CAMK2D: variants seen among roughly 807,000 people sequenced by gnomAD.
The protein encoded by CAMK2D is calcium/calmodulin dependent protein kinase II delta.
A neutral mutation model predicts 84.0 loss-of-function variants in CAMK2D; 37 were observed. The ratio of observed to expected loss-of-function variants is 0.44; its 90% confidence interval spans 0.34 to 0.58. The LOEUF (loss-of-function observed/expected upper bound fraction) is 0.58, where lower values mean the gene tolerates loss of function less well. Ranked by LOEUF, CAMK2D falls within the 20% of genes least tolerant of loss-of-function variation. CAMK2D has a pLI of 0.02. For synonymous variants in CAMK2D, 202 were observed against 212.5 expected (o/e 0.95, Z 0.43); for missense variants, 448 against 652.5 (o/e 0.69, Z 3.41).
intron 8 of CAMK2D, among the ~76,000 whole-genome samples, chr4:113,528,258 T>C (rs950383813): frequency 2.0e-5 from 3 of 152,302 alleles, no homozygotes; most frequent in Non-Finnish European, 2.9e-5. Context: ...AACTATCACT[T>C]ACTGTATTTA....
chr4:113,653,741 T>C (rs142974625), intron 3 of CAMK2D, among the ~76,000 whole-genome samples: 79 of 152,190 alleles, frequency 5.2e-4, no homozygotes, highest in African/African-American at 1.9e-3. Flanking sequence ...AATAAACACA[T>C]AAGGCAATTT....
intron 7 of CAMK2D, among the ~76,000 whole-genome samples, chr4:113,536,474 T>G (rs1050189703): frequency 9.9e-5 from 15 of 152,210 alleles, no homozygotes; most frequent in Admixed American, 9.2e-4. Context: ...ATGTTTTTAG[T>G]CCTCTATTTG....
At chr4:113,626,272 CG>C (rs1489232851) in intron 3 of CAMK2D, among the ~76,000 whole-genome samples, 2 of 152,058 alleles carry the variant, frequency 1.3e-5, no homozygotes, top group African/African-American at 4.8e-5. Context: ...TATCATCTAA[CG>C]GAGAAATCAA....
At chr4:113,617,830 T>C (rs2099027732) in intron 3 of CAMK2D, among the ~76,000 whole-genome samples, 1 of 149,698 alleles carries the variant, frequency 6.7e-6, no homozygotes, top group South Asian at 2.1e-4. Context: ...AGATAAAAAA[T>C]AACAAGAATA....
At chr4:113,738,911 T>C (rs1301388452) in intron 2 of CAMK2D, among the ~76,000 whole-genome samples, 1 of 152,104 alleles carries the variant, frequency 6.6e-6, no homozygotes, top group Admixed American at 6.6e-5. Flanking sequence ...ATTTTAAATA[T>C]ATACAAAAAT....
At chr4:113,716,962 T>C (rs1451783824) in intron 2 of CAMK2D, among the ~76,000 whole-genome samples, 2 of 152,212 alleles carry the variant, frequency 1.3e-5, no homozygotes, top group African/African-American at 4.8e-5. Context: ...AAGCTCTTTG[T>C]GTTCCAATTA....
intron 2 of CAMK2D, among the ~76,000 whole-genome samples, chr4:113,735,017 C>T (rs1393223908): frequency 6.6e-6 from 1 of 151,152 alleles, no homozygotes; most frequent in African/African-American, 2.4e-5. Flanking sequence ...GAAAACTACC[C>T]AAGACATTTT....
chr4:113,515,120 G>GTTGA lies in CAMK2D; in HGVS notation c.764_767dup (p.Pro257GlnfsTer40). 1 of 1,613,146 alleles carries GTTGA rather than the reference G, an allele frequency of 6.2e-7. No homozygotes were observed. The highest frequency in any genetic ancestry group is 8.5e-7 in the Non-Finnish European group (1 of 1,179,242). ...CTGAGGCTGTGATGCGTTTGGCAGG[G>GTTGA]TTGATAGTAAGCATTTTATTGATGA... On this transcript the variant is annotated frameshift_variant, in exon 10 of 21. Coordinates refer to ENST00000511664, the MANE Select transcript of CAMK2D (RefSeq NM_001321571.2). LOFTEE classifies it high-confidence loss of function.
At chr4:113,539,546 G>A (rs2098516036) in intron 6 of CAMK2D, among the ~76,000 whole-genome samples, 2 of 152,204 alleles carry the variant, frequency 1.3e-5, no homozygotes, top group Non-Finnish European at 2.9e-5. Context: ...CCAAGTATCT[G>A]CCGATTCAGA....
Position 113,515,028 on chromosome 4 carries a change from TTTCATTTTAG to T in CAMK2D, c.819+31_819+40del, listed in dbSNP as rs1415204191. On this transcript the variant is annotated intron_variant, in intron 10 of 20. Coordinates refer to ENST00000511664, the MANE Select transcript of CAMK2D (RefSeq NM_001321571.2). Reference sequence around the variant, plus strand: ...ACAATATATTAAAGGAGAGCTTATTTTTCATTTTAGTTCTTGAAGTTTTGGAGAAGTTTTA... The same window carrying T: ...ACAATATATTAAAGGAGAGCTTATTTTTCTTGAAGTTTTGGAGAAGTTTTA... 4 of 1,577,374 alleles carry T rather than the reference TTTCATTTTAG, an allele frequency of 2.5e-6. No individual in the cohort carries two copies. The South Asian group carries it at 4.4e-5, about 17-fold the overall frequency.
chr4:113,738,376 T>A (rs1231835773), intron 2 of CAMK2D, among the ~76,000 whole-genome samples: 1 of 152,118 alleles, frequency 6.6e-6, no homozygotes, highest in Non-Finnish European at 1.5e-5. Context: ...CCACAAATAA[T>A]GGTTTCATGC....
chr4:113,564,157 A>G (rs997214990), intron 4 of CAMK2D, among the ~76,000 whole-genome samples: 7 of 152,226 alleles, frequency 4.6e-5, no homozygotes, highest in Admixed American at 2.6e-4. Context: ...CTTAAAGCTC[A>G]GTTTCAAGGT....
rs1554093408 is a variant in CAMK2D, at chr4:113,747,319, T to TTAAAA, written c.160+12000_160+12001insTTTTA. 1.0e-3 allele frequency among the ~76,000 whole-genome samples: 154 copies of TTAAAA among 147,342 alleles called. 1 individual carries two copies. Among genetic ancestry groups the TTAAAA allele is most frequent in the African/African-American group, 3.8e-3 (153 of 40,742 alleles). ...AGAATTTTGAACTTTTTTTTTTTTT[T>TTAAAA]AAATTCAATAGGAAAAGCGTATGCA... On this transcript the variant is annotated intron_variant, in intron 2 of 20. Coordinates refer to ENST00000511664, the MANE Select transcript of CAMK2D (RefSeq NM_001321571.2).
intron 2 of CAMK2D, among the ~76,000 whole-genome samples, chr4:113,739,224 A>G (rs2099587623): frequency 6.6e-6 from 1 of 152,204 alleles, no homozygotes; most frequent in African/African-American, 2.4e-5. Flanking sequence ...TCTTCAATTT[A>G]AAAGATTAAA....
At chr4:113,603,587 T>C (rs1485636171) in intron 4 of CAMK2D, among the ~76,000 whole-genome samples, 2 of 151,170 alleles carry the variant, frequency 1.3e-5, no homozygotes, top group Non-Finnish European at 3.0e-5. Context: ...ATAAAAGCCT[T>C]TCCCATTCAT....
chr4:113,558,358 G>A (rs1361273099), intron 4 of CAMK2D, among the ~76,000 whole-genome samples: 1 of 151,888 alleles, frequency 6.6e-6, no homozygotes, highest in Admixed American at 6.6e-5. Flanking sequence ...TTAGTAATTT[G>A]CTATCAATAA....
chr4:113,465,923 C>G (rs1365411763), intron 16 of CAMK2D, among the ~76,000 whole-genome samples: 1 of 152,092 alleles, frequency 6.6e-6, no homozygotes, highest in Non-Finnish European at 1.5e-5. Context: ...CAACAGTCAC[C>G]TGAAAGGTCG....
At chr4:113,702,778 T>C (rs2099425330) in intron 2 of CAMK2D, among the ~76,000 whole-genome samples, 1 of 152,072 alleles carries the variant, frequency 6.6e-6, no homozygotes, top group South Asian at 2.1e-4. Context: ...CATGGTGGTA[T>C]GCACCTGTAA....
In CAMK2D at chr4:113,696,234, A is replaced by T. The variant is rs551417504; in HGVS notation, c.161-34462T>A. Reference sequence around the variant, plus strand: ...CACACACACACACACACACACACATACACATATACTCCTTAGCCCCCTTCC... The same window carrying T: ...CACACACACACACACACACACACATTCACATATACTCCTTAGCCCCCTTCC... On this transcript the variant is annotated intron_variant, in intron 2 of 20. Transcript: ENST00000511664. 2.5e-3 allele frequency among the ~76,000 whole-genome samples: 365 copies of T among 144,004 alleles called. 2 individuals carry two copies. The highest frequency in any genetic ancestry group is 7.7e-3 in the Admixed American group (112 of 14,484). 94.5% of individuals were successfully genotyped at this position (144,004 alleles called of 152,430 possible).
Sources: allele counts gnomAD v4.1 joint callset (sites outside exome capture counted in the v4.1 genomes callset), GRCh38; gene constraint gnomAD v4.1.1; transcripts MANE v1.5; gene names NCBI Gene and HGNC (gene_info 2026-07-23, HGNC 2026-07-21).